Variants in NUDT19 observed in about 807,000 individuals in gnomAD.
NUDT19 encodes nudix hydrolase 19.
A neutral mutation model predicts 22.2 loss-of-function variants in NUDT19; 31 were observed. The ratio of observed to expected loss-of-function variants is 1.40; its 90% CI spans 1.05 to 1.89. The LOEUF (loss-of-function observed/expected upper bound fraction) is 1.89, where lower values mean the gene tolerates loss of function less well. Ranked by LOEUF, NUDT19 falls within the 40% of genes most tolerant of loss-of-function variation. The probability of loss-of-function intolerance (pLI) is 0.00; values close to 1 mark genes in which losing one functional copy is unlikely to be tolerated. For missense variants in NUDT19, 752 were observed against 514.2 expected, an observed-to-expected ratio of 1.46 and a Z score of -4.47; for synonymous variants, 325 against 230.8, an observed-to-expected ratio of 1.41 and a Z score of -3.70.
At position 32,692,464 on chromosome 19, in the gene NUDT19, C is replaced by T. The variant is rs549742056; in HGVS notation, c.504C>T (p.Arg168=). Residue 168 remains arginine, a synonymous_variant, in exon 1 of 3, where the codon CGC becomes CGT. Coordinates refer to ENST00000397061, the MANE Select transcript of NUDT19 (RefSeq NM_001105570.2). ...LEPPPGLASW[R]DRVRQDPRHF... is the part of the protein sequence containing the mutation. ...CACCGCCGGGCCTGGCCTCCTGGCG[C>T]GACCGCGTGCGCCAGGACCCGCGCC... The T allele has an allele frequency of 3.9e-6, 6 of 1,546,176 alleles. No individual in the cohort carries two copies. The highest frequency in any genetic ancestry group is 1.4e-5 in the African/African-American group (1 of 71,624).
At chr19:32,703,833 T>A (rs1968360388) in intron 1 of NUDT19, among the ~76,000 whole-genome samples, 1 of 151,638 alleles carries the variant, frequency 6.6e-6, no homozygotes, top group South Asian at 2.1e-4. Flanking sequence ...CAGCTACTTT[T>A]TGTACTTTTA....
At chr19:32,693,249 T>G (rs796851556) in intron 1 of NUDT19, among the ~76,000 whole-genome samples, 74 of 152,302 alleles carry the variant, frequency 4.9e-4, no homozygotes, top group African/African-American at 1.7e-3. Flanking sequence ...TGTCTGGAGT[T>G]TCTTCCTTCT....
intron 1 of NUDT19, among the ~76,000 whole-genome samples, chr19:32,708,319 T>C (rs7259789): frequency 0.6 from 89,900 of 149,616 alleles, 27,994 homozygotes; most frequent in East Asian, 0.82. Flanking sequence ...CCCAGTTACT[T>C]GGGAGGCTGA....
intron 2 of NUDT19, 139 bp from the exon 3 acceptor site, chr19:32,711,613 A>C (rs1447263234): frequency 1.6e-6 from 1 of 617,018 alleles, no homozygotes; most frequent in Non-Finnish European, 2.9e-6. Flanking sequence ...GAAATAGATA[A>C]AAATACTGAT....
At chr19:32,711,473 T>TA (rs1317900515) in intron 2 of NUDT19, among the ~76,000 whole-genome samples, 3 of 151,684 alleles carry the variant, frequency 2.0e-5, no homozygotes, top group African/African-American at 2.4e-5. Flanking sequence ...AAAAAACAGA[T>TA]AAAAAAACAC....
intron 2 of NUDT19, among the ~76,000 whole-genome samples, chr19:32,710,633 C>T (rs1446274525): frequency 6.6e-6 from 1 of 151,862 alleles, no homozygotes; most frequent in Non-Finnish European, 1.5e-5. Flanking sequence ...GTGGCTCACA[C>T]GTGTAATCTC....
chr19:32,695,945 G>A (rs1012911985), intron 1 of NUDT19, among the ~76,000 whole-genome samples: 18 of 152,156 alleles, frequency 1.2e-4, no homozygotes, highest in Non-Finnish European at 2.4e-4. Flanking sequence ...TTTCAAGTAC[G>A]GTTACATCAC....
At chr19:32,700,136 G>C (rs192610264) in intron 1 of NUDT19, among the ~76,000 whole-genome samples, 1 of 152,234 alleles carries the variant, frequency 6.6e-6, no homozygotes, top group Non-Finnish European at 1.5e-5. Flanking sequence ...AAAGGGACCC[G>C]AGCGGGTTGC....
chr19:32,711,641 A>T, intron 2 of NUDT19, 111 bp from the exon 3 acceptor site: 1 of 655,814 alleles, frequency 1.5e-6, no homozygotes, highest in Non-Finnish European at 2.7e-6. Flanking sequence ...TCATTAGTAT[A>T]TTGGAGTGAT....
At chr19:32,706,755 G>A (rs997753258) in intron 1 of NUDT19, among the ~76,000 whole-genome samples, 1 of 152,174 alleles carries the variant, frequency 6.6e-6, no homozygotes, top group South Asian at 2.1e-4. Flanking sequence ...TTTATCATAG[G>A]TGTGTATGTG....
At chr19:32,707,330 A>T (rs1375622042) in intron 1 of NUDT19, among the ~76,000 whole-genome samples, 6 of 152,114 alleles carry the variant, frequency 3.9e-5, no homozygotes, top group Non-Finnish European at 5.9e-5. Flanking sequence ...CTGCAGAATG[A>T]TTAGGGGACT....
chr19:32,691,928 C>T lies in NUDT19; in HGVS notation c.-33C>T, dbSNP rs1398648726. 10 of 1,184,200 alleles carry T rather than the reference C, an allele frequency of 8.4e-6. No individual in the cohort carries two copies. Among genetic ancestry groups the T allele is most frequent in the East Asian group, 6.6e-5 (2 of 30,302 alleles). 73.4% of individuals were successfully genotyped at this position (1,184,200 alleles called of 1,614,324 possible). On this transcript the variant is annotated 5_prime_UTR_variant, in exon 1 of 3. Coordinates refer to ENST00000397061, the MANE Select transcript of NUDT19 (RefSeq NM_001105570.2). ...GGGCCACCTGCCGTGGAGCTCAGGC[C>T]GCGCCAGAATCGGATCCGGGAAGCT...
intron 1 of NUDT19, among the ~76,000 whole-genome samples, chr19:32,693,672 G>A (rs1968231351): frequency 6.6e-6 from 1 of 152,130 alleles, no homozygotes; most frequent in South Asian, 2.1e-4. Context: ...GCTAGACAGA[G>A]CACTGATTGG....
chr19:32,696,414 T>TC (rs1968264164), intron 1 of NUDT19, among the ~76,000 whole-genome samples: 7 of 152,034 alleles, frequency 4.6e-5, no homozygotes, highest in Non-Finnish European at 1.0e-4. Flanking sequence ...GGTTGTGGAG[T>TC]TGTCCCATGA....
intron 1 of NUDT19, among the ~76,000 whole-genome samples, chr19:32,704,324 C>T (rs886441668): frequency 7.3e-5 from 11 of 151,110 alleles, no homozygotes; most frequent in East Asian, 2.0e-4. Context: ...TGCAATGGCA[C>T]GATCTTGGCT....
intron 1 of NUDT19, among the ~76,000 whole-genome samples, chr19:32,702,945 T>C (rs1968350826): frequency 6.6e-6 from 1 of 152,214 alleles, no homozygotes; most frequent in South Asian, 2.1e-4. Flanking sequence ...ATTGTTGTCA[T>C]ACATTTGACT....
rs1055113521 is a variant in NUDT19, at chr19:32,710,999, A to ACAT, written c.923-750_923-748dup. ...GATGATAAGAACAGCCCACTTTGAA[A>ACAT]CATCAAAAGTATATGAATATCAAGG... On this transcript the variant is annotated intron_variant, in intron 2 of 2. Transcript: ENST00000397061. Among the ~76,000 whole-genome samples the ACAT allele has an allele frequency of 4.6e-5, 7 of 152,196 alleles. 1 individual carries two copies. Among genetic ancestry groups the ACAT allele is most frequent in the African/African-American group, 1.7e-4 (7 of 41,446 alleles).
intron 1 of NUDT19, among the ~76,000 whole-genome samples, chr19:32,698,162 A>G (rs1439522675): frequency 6.6e-6 from 1 of 152,132 alleles, no homozygotes; most frequent in Non-Finnish European, 1.5e-5. Flanking sequence ...ACTTAGACAT[A>G]AGGTATTTCA....
At chr19:32,699,438 C>T (rs185494955) in intron 1 of NUDT19, among the ~76,000 whole-genome samples, 14 of 152,306 alleles carry the variant, frequency 9.2e-5, no homozygotes, top group African/African-American at 2.2e-4. Context: ...TGGCTTTCCT[C>T]GCTGTCGACC....
Sources: gnomAD v4.1 joint callset for allele counts (sites outside exome capture counted in the v4.1 genomes callset) on GRCh38, gnomAD v4.1.1 for gene constraint, MANE v1.5 for transcripts, NCBI Gene and HGNC (gene_info 2026-07-23, HGNC 2026-07-21) for gene names.